CRPPA: variants seen among roughly 807,000 people sequenced by gnomAD.
CRPPA encodes D-ribitol-5-phosphate cytidylyltransferase.
Under a neutral mutation model 52.0 loss-of-function variants are expected in CRPPA, and 43 were observed. That is an observed-to-expected ratio of 0.83 (90% CI 0.65 to 1.07). The LOEUF is 1.07. Ranked by LOEUF, CRPPA falls within the 50% of genes least tolerant of loss-of-function variation. The pLI is 0.00. For synonymous variants in CRPPA, 250 were observed against 203.5 expected (o/e 1.23, Z -1.94); for missense variants, 629 against 551.7 (o/e 1.14, Z -1.40).
chr7:16,359,966 T>C (rs1786399069), intron 3 of CRPPA, among the ~76,000 whole-genome samples: 1 of 152,312 alleles, frequency 6.6e-6, no homozygotes, highest in African/African-American at 2.4e-5. Flanking sequence ...CTATTATTGT[T>C]GTTGTCCCCA....
intron 9 of CRPPA, among the ~76,000 whole-genome samples, chr7:16,169,016 G>C (rs756965736): frequency 2.6e-5 from 4 of 152,154 alleles, no homozygotes; most frequent in Non-Finnish European, 5.9e-5. Context: ...TGTTAGGAAA[G>C]TTTATGAATG....
At chr7:16,401,609 T>A (rs1471318334) in intron 2 of CRPPA, among the ~76,000 whole-genome samples, 1 of 152,204 alleles carries the variant, frequency 6.6e-6, no homozygotes, top group Non-Finnish European at 1.5e-5. Flanking sequence ...CATCCTATTG[T>A]TAGTGTTCTT....
intron 2 of CRPPA, among the ~76,000 whole-genome samples, chr7:16,399,273 G>A (rs547606060): frequency 2.0e-5 from 3 of 152,274 alleles, no homozygotes; most frequent in Non-Finnish European, 2.9e-5. Flanking sequence ...TGACTGACAC[G>A]ATACACATAC....
At chr7:16,131,565 G>T (rs997131509) in intron 9 of CRPPA, among the ~76,000 whole-genome samples, 8 of 152,032 alleles carry the variant, frequency 5.3e-5, no homozygotes, top group Admixed American at 5.2e-4. Context: ...AGAGTGCCCA[G>T]GTGTCAAGGC....
chr7:16,345,040 G>T (rs180678352), intron 3 of CRPPA, among the ~76,000 whole-genome samples: 9 of 152,156 alleles, frequency 5.9e-5, no homozygotes, highest in African/African-American at 2.2e-4. Flanking sequence ...AATCAGGTCC[G>T]CATATAAATG....
At chr7:16,105,510 GT>G (rs1402721721) in intron 9 of CRPPA, among the ~76,000 whole-genome samples, 3 of 152,142 alleles carry the variant, frequency 2.0e-5, no homozygotes, top group Non-Finnish European at 1.5e-5. Flanking sequence ...ATAGAAAACA[GT>G]AGTGAAAATG....
chr7:16,405,824 T>C (rs986292666), intron 2 of CRPPA, among the ~76,000 whole-genome samples: 1 of 152,214 alleles, frequency 6.6e-6, no homozygotes, highest in African/African-American at 2.4e-5. Context: ...TGTAATAACA[T>C]TAATACATTC....
intron 1 of CRPPA, among the ~76,000 whole-genome samples, chr7:16,420,755 G>A (rs1300535154): frequency 1.3e-5 from 2 of 152,134 alleles, no homozygotes; most frequent in Non-Finnish European, 2.9e-5. Context: ...AGGCCCCACA[G>A]CTAGAACCCC....
chr7:16,107,197 A>C (rs1782173511), intron 9 of CRPPA, among the ~76,000 whole-genome samples: 1 of 152,144 alleles, frequency 6.6e-6, no homozygotes, highest in South Asian at 2.1e-4. Context: ...AAAAAAAAAC[A>C]AAAACATCTT....
At chr7:16,188,296 T>C (rs1415544502) in intron 9 of CRPPA, among the ~76,000 whole-genome samples, 1 of 151,994 alleles carries the variant, frequency 6.6e-6, no homozygotes, top group Admixed American at 6.6e-5. Flanking sequence ...TATTTTATAG[T>C]CAGAACAACG....
chr7:16,419,933 G>T (rs552898037), intron 1 of CRPPA, among the ~76,000 whole-genome samples: 6 of 152,276 alleles, frequency 3.9e-5, no homozygotes, highest in African/African-American at 1.4e-4. Context: ...CTCCCGCACA[G>T]CCGACTCTGC....
intron 9 of CRPPA, chr7:16,209,102 A>T: frequency 2.8e-6 from 1 of 363,024 alleles, no homozygotes. Flanking sequence ...GGGCAGACTA[A>T]GCCAATTATC....
At chr7:16,239,386 A>G (rs1444875251) in intron 8 of CRPPA, among the ~76,000 whole-genome samples, 3 of 151,894 alleles carry the variant, frequency 2.0e-5, no homozygotes, top group Non-Finnish European at 2.9e-5. Flanking sequence ...TAACAAAGCC[A>G]TATTAAAAGG....
At chr7:16,293,107 G>A (rs1047849891) in intron 5 of CRPPA, among the ~76,000 whole-genome samples, 2 of 151,804 alleles carry the variant, frequency 1.3e-5, no homozygotes, top group Non-Finnish European at 2.9e-5. Flanking sequence ...TATTTTACAA[G>A]AAACTCAGTA....
chr7:16,214,753 C>T (rs185630598), intron 9 of CRPPA, among the ~76,000 whole-genome samples: 21 of 152,250 alleles, frequency 1.4e-4, no homozygotes, highest in Non-Finnish European at 2.8e-4. Flanking sequence ...GTGATCCGCC[C>T]GCCCATCTTG....
chr7:16,179,995 G>T (rs1562542412), intron 9 of CRPPA, among the ~76,000 whole-genome samples: 1 of 152,148 alleles, frequency 6.6e-6, no homozygotes, highest in Non-Finnish European at 1.5e-5. Flanking sequence ...TCATAAGGTT[G>T]TAAGTCAAGA....
chr7:16,119,310 GA>G (rs1344031659), intron 9 of CRPPA, among the ~76,000 whole-genome samples: 5 of 151,786 alleles, frequency 3.3e-5, no homozygotes, highest in African/African-American at 1.2e-4. Flanking sequence ...AGTGGGTGCT[GA>G]ATTGAATCAC....
chr7:16,139,201 G>A (rs1320081961), intron 9 of CRPPA, among the ~76,000 whole-genome samples: 1 of 152,150 alleles, frequency 6.6e-6, no homozygotes, highest in East Asian at 1.9e-4. Context: ...CCAACGAGGT[G>A]GAAACAGTAG....
chr7:16,414,743 T>A (rs1308388906), intron 1 of CRPPA, among the ~76,000 whole-genome samples: 1 of 152,228 alleles, frequency 6.6e-6, no homozygotes, highest in Non-Finnish European at 1.5e-5. Flanking sequence ...AACAATTATA[T>A]TTCAGTTTGG....
Sources: gnomAD v4.1 joint callset for allele counts (sites outside exome capture counted in the v4.1 genomes callset) on GRCh38, gnomAD v4.1.1 for gene constraint, MANE v1.5 for transcripts, NCBI Gene and HGNC (gene_info 2026-07-23, HGNC 2026-07-21) for gene names.